Variants in SENP7 observed in about 807,000 individuals in gnomAD.
SENP7 encodes the protein sentrin-specific protease 7.
A neutral mutation model predicts 141.2 loss-of-function variants in SENP7; 64 were observed. That is an observed-to-expected ratio of 0.45 (90% CI 0.37 to 0.56). The LOEUF is 0.56. Ranked by LOEUF, SENP7 falls within the 20% of genes least tolerant of loss-of-function variation. The probability of loss-of-function intolerance (pLI) is 0.00; values close to 1 mark genes in which losing one functional copy is unlikely to be tolerated. For synonymous variants in SENP7, 382 were observed against 426.4 expected, an observed-to-expected ratio of 0.90 and a Z score of 1.28; for missense variants, 1,025 against 1,212.2, an observed-to-expected ratio of 0.85 and a Z score of 2.29.
At chr3:101,355,591 C>A (rs1322325159) in intron 11 of SENP7, among the ~76,000 whole-genome samples, 1 of 152,094 alleles carries the variant, frequency 6.6e-6, no homozygotes, top group Non-Finnish European at 1.5e-5. Context: ...TGTACCAGTA[C>A]CATACTGTTT....
intron 5 of SENP7, among the ~76,000 whole-genome samples, chr3:101,416,654 C>T (rs983552965): frequency 6.6e-6 from 1 of 152,004 alleles, no homozygotes; most frequent in South Asian, 2.1e-4. Context: ...GAAATTTCTT[C>T]GTTAAACTTG....
At chr3:101,440,846 TTAATA>T (rs2062641322) in intron 4 of SENP7, among the ~76,000 whole-genome samples, 2 of 152,152 alleles carry the variant, frequency 1.3e-5, no homozygotes, top group African/African-American at 4.8e-5. Flanking sequence ...TGCAGTTACT[TTAATA>T]TATGAAAATG....
At position 101,418,779 on chromosome 3, in the gene SENP7, G is replaced by A. The variant is rs1418849204; in HGVS notation, c.285-989C>T. Among the ~76,000 whole-genome samples the A allele has an allele frequency of 2.7e-5, 4 of 150,870 alleles. No homozygotes were observed. The East Asian group carries it at 7.7e-4, about 29-fold the overall frequency. ...TACAAGTTCCCAGGGTACTTCCATA[G>A]AACACTGAAAACTCCAAACATGTTG... On this transcript the variant is annotated intron_variant, in intron 4 of 23. Transcript: ENST00000394095.
chr3:101,334,189 T>A (rs2059127744), intron 17 of SENP7, among the ~76,000 whole-genome samples: 1 of 152,144 alleles, frequency 6.6e-6, no homozygotes, highest in Non-Finnish European at 1.5e-5. Context: ...GGGGACCCCC[T>A]TATTAAACCA....
In SENP7 at chr3:101,343,884, T is replaced by C. The variant is rs2059389820; in HGVS notation, c.1908A>G (p.Lys636=). The change falls in exon 14 of 24, where the codon AAA becomes AAG. Residue 636 remains lysine, a synonymous_variant. Transcript: ENST00000394095. ...TTATACTTATTTCCGTCATAATATC[T>C]TTCAGCTTCAATTCTTCTCTTTGTG... The part of the protein sequence containing the change: ...PVSQREELKL[K]DIMTEISIIS... 1 of 1,612,538 alleles carries C rather than the reference T, an allele frequency of 6.2e-7. No homozygotes were observed. The highest frequency in any genetic ancestry group is 1.3e-5 in the African/African-American group (1 of 74,902).
intron 3 of SENP7, among the ~76,000 whole-genome samples, chr3:101,459,300 A>G (rs2063470413): frequency 6.6e-6 from 1 of 152,198 alleles, no homozygotes; most frequent in Non-Finnish European, 1.5e-5. Context: ...ACACTTTGAG[A>G]TTCCAAAGCT....
intron 3 of SENP7, among the ~76,000 whole-genome samples, chr3:101,491,605 T>C (rs2064969129): frequency 6.6e-6 from 1 of 152,166 alleles, no homozygotes; most frequent in Non-Finnish European, 1.5e-5. Flanking sequence ...CTTATGCAAA[T>C]ATATTATTTT....
intron 4 of SENP7, among the ~76,000 whole-genome samples, chr3:101,432,020 T>C (rs1474169878): frequency 6.6e-6 from 1 of 152,136 alleles, no homozygotes; most frequent in East Asian, 1.9e-4. Context: ...GACCCTATGA[T>C]GGCACTTTTG....
chr3:101,427,006 A>G (rs1375507847), intron 4 of SENP7, among the ~76,000 whole-genome samples: 1 of 152,230 alleles, frequency 6.6e-6, no homozygotes, highest in Non-Finnish European at 1.5e-5. Context: ...TGAGGCCAGC[A>G]TCATCCTGAT....
chr3:101,397,665 A>C (rs575234519), intron 6 of SENP7, among the ~76,000 whole-genome samples: 2 of 152,234 alleles, frequency 1.3e-5, no homozygotes, highest in Non-Finnish European at 2.9e-5. Context: ...GTTTTAAATA[A>C]TAAAATTTGT....
At position 101,328,673 on chromosome 3, in the gene SENP7, A is replaced by G. The variant is rs1425035106; in HGVS notation, c.2768T>C (p.Met923Thr). The G allele has an allele frequency of 1.0e-5, 16 of 1,607,682 alleles. No homozygotes were observed. The highest frequency in any genetic ancestry group is 1.7e-5 in the Admixed American group (1 of 59,808). Residue 923 changes from methionine to threonine, a missense_variant, in exon 21 of 24, where the codon ATG becomes ACG. By Grantham distance (81) the Met-to-Thr change is moderately conservative (BLOSUM62 -1). This residue lies in a region of SENP7 where 295 missense variants were observed against 459.1 expected (regional missense o/e 0.64). Coordinates refer to ENST00000394095, the MANE Select transcript of SENP7 (RefSeq NM_020654.5). ...AEDSQSTESNMSVPKKMCKRP... is the reference protein window; with the variant it reads ...AEDSQSTESNTSVPKKMCKRP... ...TTTACACATTTTCTTTGGTACTGAC[A>G]TATTCGACTCGGTACTCTGAAATAA... is the stretch of plus-strand genomic sequence containing the variant.
chr3:101,328,705 T>G lies in SENP7; in HGVS notation c.2752-16A>C. 1.9e-6 allele frequency: 3 copies of G among 1,584,686 alleles called. No individual in the cohort carries two copies. Among genetic ancestry groups the G allele is most frequent in the Non-Finnish European group, 2.6e-6 (3 of 1,156,850 alleles). On this transcript the variant is annotated splice_polypyrimidine_tract_variant and intron_variant, in intron 20 of 23. Transcript: ENST00000394095. ...ACTCGGTACTCTGAAATAACATAAATTTTTATGACTGCAATTAAAGCTATT... is the reference window on the plus strand; with the variant it reads ...ACTCGGTACTCTGAAATAACATAAAGTTTTATGACTGCAATTAAAGCTATT...
chr3:101,506,595 T>C (rs911411270), intron 1 of SENP7, among the ~76,000 whole-genome samples: 1 of 152,136 alleles, frequency 6.6e-6, no homozygotes, highest in East Asian at 1.9e-4. Flanking sequence ...CCTGTCACAG[T>C]GTTAATAGTA....
chr3:101,340,766 G>A (rs984584580), intron 15 of SENP7, among the ~76,000 whole-genome samples: 2 of 152,136 alleles, frequency 1.3e-5, no homozygotes, highest in Non-Finnish European at 2.9e-5. Flanking sequence ...AAACTTAAGA[G>A]ACCACAAAGG....
chr3:101,430,077 G>C (rs2062106023), intron 4 of SENP7, among the ~76,000 whole-genome samples: 1 of 152,066 alleles, frequency 6.6e-6, no homozygotes, highest in Admixed American at 6.6e-5. Context: ...TGTGCTGCTG[G>C]ATTCGGTTTG....
At position 101,351,627 on chromosome 3, in the gene SENP7, G is replaced by T; in HGVS notation, c.1648C>A (p.Pro550Thr). Residue 550 changes from proline to threonine, a missense_variant, in exon 12 of 24, where the codon CCA becomes ACA. By Grantham distance (38) the Pro-to-Thr change is conservative. This residue lies in a region of SENP7 where 228 missense variants were observed against 228.5 expected (regional missense o/e 1.00). Coordinates refer to ENST00000394095, the MANE Select transcript of SENP7 (RefSeq NM_020654.5). ...VTITKKYIKIPFQVSLNEISL... is the reference protein window; with the variant it reads ...VTITKKYIKITFQVSLNEISL... The stretch of plus-strand genomic sequence containing the variant: ...GAGAATGATAACTTACCTTGAAATG[G>T]GATCTTAATATATTTTTTTGTGATC... 7.4e-7 allele frequency: 1 copy of T among 1,349,492 alleles called. No homozygotes were observed. The highest frequency in any genetic ancestry group is 2.9e-5 in the Admixed American group (1 of 34,862). 83.6% of individuals were successfully genotyped at this position (1,349,492 alleles called of 1,614,324 possible).
chr3:101,497,213 T>C (rs1443089337), intron 2 of SENP7, among the ~76,000 whole-genome samples: 1 of 152,170 alleles, frequency 6.6e-6, no homozygotes, highest in African/African-American at 2.4e-5. Flanking sequence ...TTTATAGATA[T>C]ATAGATAGAG....
chr3:101,475,210 C>G (rs1322277965), intron 3 of SENP7, among the ~76,000 whole-genome samples: 1 of 152,118 alleles, frequency 6.6e-6, no homozygotes, highest in East Asian at 1.9e-4. Context: ...TGGGTATACA[C>G]CCAAAGGAAT....
At chr3:101,364,644 CATA>C (rs1203194103) in intron 10 of SENP7, among the ~76,000 whole-genome samples, 187 bp downstream of exon 10, 1 of 152,142 alleles carries the variant, frequency 6.6e-6, no homozygotes, top group Non-Finnish European at 1.5e-5. Flanking sequence ...AAGAAAATGG[CATA>C]ATCTTTTCAT....
Sources: gnomAD v4.1 joint callset for allele counts (sites outside exome capture counted in the v4.1 genomes callset) on GRCh38, gnomAD v4.1.1 for gene constraint, gnomAD v4.1.1 regional missense constraint, MANE v1.5 for transcripts, NCBI Gene and HGNC (gene_info 2026-07-23, HGNC 2026-07-21) for gene names.